The following MAST4 variants were observed in gnomAD, a reference collection of about 807,000 sequenced individuals.
MAST4 encodes microtubule-associated serine/threonine-protein kinase 4.
Under a neutral mutation model 162.7 loss-of-function variants are expected in MAST4, and 89 were observed. The ratio of observed to expected loss-of-function variants is 0.55; its 90% CI spans 0.46 to 0.65. The LOEUF is 0.65. MAST4 is among the 30% of genes least tolerant of loss of function. MAST4 has a pLI of 0.00. For missense variants in MAST4, 3,153 were observed against 3,374.0 expected (o/e 0.93, Z 1.62); for synonymous variants, 1,479 against 1,361.1 (o/e 1.09, Z -1.91).
At chr5:66,912,123 A>G (rs1333338859) in intron 4 of MAST4, among the ~76,000 whole-genome samples, 1 of 152,192 alleles carries the variant, frequency 6.6e-6, no homozygotes, top group Non-Finnish European at 1.5e-5. Flanking sequence ...AGAAATTGGT[A>G]CTGTGTGCCT....
chr5:66,940,264 A>AG (rs1743219087), intron 4 of MAST4, among the ~76,000 whole-genome samples: 1 of 152,092 alleles, frequency 6.6e-6, no homozygotes, highest in Non-Finnish European at 1.5e-5. Flanking sequence ...TGGTTACTGA[A>AG]GGTTGCGGTG....
intron 4 of MAST4, among the ~76,000 whole-genome samples, chr5:66,979,825 C>T (rs369123421): frequency 2.6e-5 from 4 of 152,292 alleles, no homozygotes; most frequent in South Asian, 4.2e-4. Context: ...CTTCTAGCCC[C>T]GTGGCTCACA....
At chr5:66,896,096 C>T (rs1029369196) in intron 3 of MAST4, among the ~76,000 whole-genome samples, 3 of 152,154 alleles carry the variant, frequency 2.0e-5, no homozygotes, top group Non-Finnish European at 4.4e-5. Context: ...ATTCAGGATT[C>T]TTTATTGCCT....
chr5:67,014,351 T>G (rs1460861098), intron 4 of MAST4, among the ~76,000 whole-genome samples: 1 of 152,234 alleles, frequency 6.6e-6, no homozygotes, highest in African/African-American at 2.4e-5. Flanking sequence ...GGATTTCTCA[T>G]CTTTGATGTC....
chr5:66,939,046 A>G (rs1475510595), intron 4 of MAST4, among the ~76,000 whole-genome samples: 3 of 152,164 alleles, frequency 2.0e-5, no homozygotes, highest in African/African-American at 7.2e-5. Context: ...TGCATTTGCA[A>G]TTTTGCTCCA....
chr5:66,874,099 A>G (rs1277277387), intron 3 of MAST4, among the ~76,000 whole-genome samples: 2 of 152,146 alleles, frequency 1.3e-5, no homozygotes, highest in Non-Finnish European at 2.9e-5. Context: ...TTAGGGGGAA[A>G]ACAAAGATAA....
At chr5:66,842,257 A>C (rs1758478914) in intron 3 of MAST4, among the ~76,000 whole-genome samples, 1 of 152,182 alleles carries the variant, frequency 6.6e-6, no homozygotes, top group Non-Finnish European at 1.5e-5. Context: ...TGAATAGGGT[A>C]GGGTGTGGAA....
intron 1 of MAST4, among the ~76,000 whole-genome samples, chr5:66,659,549 A>G (rs1011296350): frequency 3.3e-5 from 5 of 152,220 alleles, no homozygotes; most frequent in Non-Finnish European, 7.3e-5. Flanking sequence ...TCCTTTAAAG[A>G]TTCTGTTTAA....
chr5:66,808,149 A>T (rs1374894230), intron 3 of MAST4, among the ~76,000 whole-genome samples: 1 of 152,192 alleles, frequency 6.6e-6, no homozygotes, highest in African/African-American at 2.4e-5. Flanking sequence ...CATGAATCTA[A>T]TCATTCTGTC....
intron 4 of MAST4, among the ~76,000 whole-genome samples, chr5:66,950,649 T>C (rs186661893): frequency 9.5e-4 from 145 of 152,344 alleles, no homozygotes; most frequent in South Asian, 4.1e-4. Context: ...TAATATTCTA[T>C]TGTATGGGTA....
intron 1 of MAST4, among the ~76,000 whole-genome samples, chr5:66,706,387 A>G (rs772149883): frequency 1.6e-4 from 24 of 152,220 alleles, no homozygotes; most frequent in Non-Finnish European, 2.8e-4. Context: ...TCATAATGCC[A>G]TATGAAACGG....
At chr5:66,654,225 A>G (rs968368228) in intron 1 of MAST4, among the ~76,000 whole-genome samples, 2 of 152,182 alleles carry the variant, frequency 1.3e-5, no homozygotes, top group African/African-American at 4.8e-5. Flanking sequence ...TCCTGATGCT[A>G]AAGTTTAGTG....
chr5:67,003,145 A>G (rs76548204), intron 4 of MAST4, among the ~76,000 whole-genome samples: 2,588 of 152,140 alleles, frequency 0.017, 85 homozygotes, highest in African/African-American at 0.06. Context: ...AAAGAAGAGC[A>G]TGGGGCAAAA....
intron 4 of MAST4, chr5:66,986,558 T>C: frequency 8.9e-7 from 1 of 1,124,382 alleles, no homozygotes; most frequent in Non-Finnish European, 1.2e-6. Flanking sequence ...TCTCTGTCTT[T>C]CCATATAGAC....
chr5:66,745,204 C>G (rs886354966), intron 1 of MAST4, among the ~76,000 whole-genome samples: 2 of 152,144 alleles, frequency 1.3e-5, no homozygotes, highest in Non-Finnish European at 2.9e-5. Context: ...TGCCTCAAAC[C>G]ACTGCCTTCC....
intron 1 of MAST4, among the ~76,000 whole-genome samples, chr5:66,639,340 A>G (rs1172187969): frequency 1.3e-5 from 2 of 149,146 alleles, no homozygotes; most frequent in African/African-American, 2.5e-5. Flanking sequence ...AAACTGGACA[A>G]CAACAAAAAA....
intron 3 of MAST4, among the ~76,000 whole-genome samples, chr5:66,895,646 T>TA (rs1390827886): frequency 1.3e-5 from 2 of 152,212 alleles, no homozygotes; most frequent in African/African-American, 4.8e-5. Context: ...GACTACTCCT[T>TA]ACCATCTTCA....
At chr5:67,038,189 A>AGTTTAGATGATT (rs1756267957) in intron 4 of MAST4, among the ~76,000 whole-genome samples, 1 of 150,856 alleles carries the variant, frequency 6.6e-6, no homozygotes, top group Non-Finnish European at 1.5e-5. Flanking sequence ...TTGCAATTCT[A>AGTTTAGATGATT]GTTTAGATGA....
At chr5:66,816,228 C>CTT (rs964973303) in intron 3 of MAST4, among the ~76,000 whole-genome samples, 3 of 148,204 alleles carry the variant, frequency 2.0e-5, no homozygotes, top group African/African-American at 5.0e-5. Flanking sequence ...TTTTGTGATT[C>CTT]TTTTTTTTTT....
Sources: allele counts gnomAD v4.1 joint callset (sites outside exome capture counted in the v4.1 genomes callset), GRCh38; gene constraint gnomAD v4.1.1; transcripts MANE v1.5; gene names NCBI Gene and HGNC (gene_info 2026-07-23, HGNC 2026-07-21).